The following RBFOX1 variants were observed in gnomAD, a reference collection of about 807,000 sequenced individuals.
RBFOX1 encodes the protein RNA binding protein fox-1 homolog 1.
Under a neutral mutation model 57.7 loss-of-function variants are expected in RBFOX1, and 8 were observed. The observed-to-expected ratio is 0.14, with a 90% CI of 0.08 to 0.25. The LOEUF is 0.25. RBFOX1 is among the 10% of genes least tolerant of loss of function. RBFOX1 has a pLI of 1.00. For synonymous variants in RBFOX1, 326 were observed against 222.4 expected (o/e 1.47, Z -4.15); for missense variants, 611 against 548.5 (o/e 1.11, Z -1.14).
chr16:5,723,592 C>T (rs1007810551), intron 3 of RBFOX1, among the ~76,000 whole-genome samples: 10 of 151,936 alleles, frequency 6.6e-5, no homozygotes, highest in Non-Finnish European at 1.2e-4. Flanking sequence ...GTGGATTAAA[C>T]AGTGGTTGTC....
intron 2 of RBFOX1, among the ~76,000 whole-genome samples, chr16:6,507,065 C>A (rs527635682): frequency 3.9e-5 from 6 of 152,194 alleles, no homozygotes; most frequent in African/African-American, 1.2e-4. Flanking sequence ...TGAACATTTC[C>A]TTCAAATCCT....
At chr16:6,280,831 A>G (rs1290612254) in intron 1 of RBFOX1, among the ~76,000 whole-genome samples, 1 of 151,956 alleles carries the variant, frequency 6.6e-6, no homozygotes, top group Non-Finnish European at 1.5e-5. Context: ...GAGGACACAT[A>G]CTACAGAGAG....
intron 2 of RBFOX1, among the ~76,000 whole-genome samples, chr16:5,598,319 C>T (rs1437880048): frequency 6.6e-6 from 1 of 151,966 alleles, no homozygotes; most frequent in Non-Finnish European, 1.5e-5. Context: ...AGGTTAGGGA[C>T]CCCCAGCATC....
intron 3 of RBFOX1, among the ~76,000 whole-genome samples, chr16:5,754,440 C>G (rs1046757574): frequency 4.0e-5 from 6 of 150,026 alleles, no homozygotes; most frequent in South Asian, 2.1e-4. Flanking sequence ...TAAGGTGGGA[C>G]GAGAGATTTG....
At position 6,153,812 on chromosome 16, in the gene RBFOX1, AG is replaced by A. The variant is rs1255832915; in HGVS notation, c.-127+133822del. On this transcript the variant is annotated intron_variant, in intron 1 of 15. Transcript: ENST00000550418. ...CTTCCTCCCAAAGTGCTGGGATTAC[AG>A]GTGTGAGCCACCATGCCCGGCCCAT... 2.6e-5 allele frequency among the ~76,000 whole-genome samples: 4 copies of A among 152,316 alleles called. No homozygotes were observed. In the East Asian group the frequency reaches 5.8e-4, roughly 22 times the overall value.
At chr16:6,043,747 G>A (rs113301143) in intron 1 of RBFOX1, among the ~76,000 whole-genome samples, 2 of 152,250 alleles carry the variant, frequency 1.3e-5, no homozygotes, top group African/African-American at 4.8e-5. Context: ...AACTCCAGGG[G>A]CTCTTCTGCC....
chr16:7,040,192 T>C (rs2045727492), intron 3 of RBFOX1, among the ~76,000 whole-genome samples: 1 of 152,012 alleles, frequency 6.6e-6, no homozygotes, highest in Non-Finnish European at 1.5e-5. Flanking sequence ...GCTAGTTTTC[T>C]GTATTTTTAG....
chr16:6,898,094 G>A (rs2067413661), intron 3 of RBFOX1, among the ~76,000 whole-genome samples: 1 of 152,182 alleles, frequency 6.6e-6, no homozygotes, highest in Non-Finnish European at 1.5e-5. Context: ...GAAATGAGGT[G>A]AACCGAGTAA....
intron 2 of RBFOX1, among the ~76,000 whole-genome samples, chr16:6,463,552 T>C (rs1287747721): frequency 6.6e-6 from 1 of 152,078 alleles, no homozygotes; most frequent in African/African-American, 2.4e-5. Flanking sequence ...GGCAGAAATC[T>C]GACCCAAGCT....
At chr16:5,397,777 C>G (rs141426127) in intron 1 of RBFOX1, among the ~76,000 whole-genome samples, 1 of 152,214 alleles carries the variant, frequency 6.6e-6, no homozygotes, top group African/African-American at 2.4e-5. Flanking sequence ...TGAAAATAGA[C>G]TTGATATTTG....
At chr16:6,577,729 G>T (rs1473635216) in intron 2 of RBFOX1, among the ~76,000 whole-genome samples, 1 of 152,146 alleles carries the variant, frequency 6.6e-6, no homozygotes, top group Non-Finnish European at 1.5e-5. Context: ...CTTTGACAAG[G>T]AAGTGACACA....
At chr16:6,561,979 A>T (rs2097184935) in intron 2 of RBFOX1, among the ~76,000 whole-genome samples, 1 of 152,224 alleles carries the variant, frequency 6.6e-6, no homozygotes, top group Non-Finnish European at 1.5e-5. Context: ...TAGATCTGTT[A>T]TACAGGAACA....
chr16:5,417,335 A>C (rs772305623), intron 1 of RBFOX1, among the ~76,000 whole-genome samples: 19 of 152,236 alleles, frequency 1.2e-4, no homozygotes, highest in Non-Finnish European at 2.5e-4. Context: ...CTAGGGAGAA[A>C]TTATCTTGAC....
chr16:5,545,299 T>TAGG (rs2045147021), intron 2 of RBFOX1, among the ~76,000 whole-genome samples: 1 of 151,536 alleles, frequency 6.6e-6, no homozygotes, highest in Admixed American at 6.6e-5. Context: ...TAACAAATAT[T>TAGG]AAAGAAATAA....
chr16:6,677,716 T>C (rs888476806), intron 3 of RBFOX1, among the ~76,000 whole-genome samples: 2 of 152,220 alleles, frequency 1.3e-5, no homozygotes, highest in Non-Finnish European at 2.9e-5. Flanking sequence ...AAATCCTTTT[T>C]TCCTCTTTTG....
chr16:7,221,723 C>G (rs886674566), intron 4 of RBFOX1, among the ~76,000 whole-genome samples: 10 of 152,156 alleles, frequency 6.6e-5, no homozygotes, highest in Admixed American at 5.9e-4. Context: ...TTAAAAAGCA[C>G]TTCAAAATTT....
chr16:7,133,386 T>C (rs148331076), intron 4 of RBFOX1, among the ~76,000 whole-genome samples: 69 of 152,290 alleles, frequency 4.5e-4, no homozygotes, highest in African/African-American at 1.6e-3. Context: ...AACATATTGG[T>C]TGAAGATCAT....
intron 3 of RBFOX1, among the ~76,000 whole-genome samples, chr16:6,767,972 A>AAGAAGAAGAAGAAGAAGG: frequency 6.7e-6 from 1 of 149,594 alleles, no homozygotes; most frequent in African/African-American, 2.5e-5. Flanking sequence ...GAAGAAGAAG[A>AAGAAGAAGAAGAAGAAGG]AGAAGAAGAA....
chr16:6,108,284 G>A (rs542112532), intron 1 of RBFOX1, among the ~76,000 whole-genome samples: 2 of 152,134 alleles, frequency 1.3e-5, no homozygotes, highest in South Asian at 2.1e-4. Flanking sequence ...AGAGGGCCCC[G>A]GAATCAGCTT....
Sources: allele counts gnomAD v4.1 joint callset (sites outside exome capture counted in the v4.1 genomes callset), GRCh38; gene constraint gnomAD v4.1.1; transcripts MANE v1.5; gene names NCBI Gene and HGNC (gene_info 2026-07-23, HGNC 2026-07-21).